Variants in GIT2 observed in about 807,000 individuals in gnomAD.
GIT2 encodes the protein ARF GTPase-activating protein GIT2.
A neutral mutation model predicts 100.3 loss-of-function variants in GIT2; 32 were observed. The observed-to-expected ratio is 0.32, with a 90% CI of 0.24 to 0.43. The LOEUF is 0.43. Among genes scored for constraint, GIT2 ranks in the 20% least tolerant of loss-of-function variants. The probability of loss-of-function intolerance (pLI) is 1.00; values close to 1 mark genes in which losing one functional copy is unlikely to be tolerated. For missense variants in GIT2, 737 were observed against 975.1 expected (o/e 0.76, Z 3.25); for synonymous variants, 353 against 364.1 (o/e 0.97, Z 0.35).
At chr12:109,977,419 G>A (rs1329765637) in intron 7 of GIT2, among the ~76,000 whole-genome samples, 5 of 152,142 alleles carry the variant, frequency 3.3e-5, no homozygotes, top group Non-Finnish European at 7.3e-5. Flanking sequence ...GCTGAGGTGG[G>A]AGGATCACTT....
At chr12:109,995,554 G>A (rs1181264460) in intron 1 of GIT2, among the ~76,000 whole-genome samples, 1 of 152,172 alleles carries the variant, frequency 6.6e-6, no homozygotes, top group Non-Finnish European at 1.5e-5. Flanking sequence ...CCAGCCCAAG[G>A]TCAGCCAGAA....
chr12:109,996,324 G>A lies in GIT2; in HGVS notation c.-100C>T. ...TCTAACGGGTCCCAGCTGCGGCGGC[G>A]CTGACGGCGGCGCCTCTCCCCTCAG... On this transcript the variant is annotated 5_prime_UTR_variant, in exon 1 of 20. Coordinates refer to ENST00000355312, the MANE Select transcript of GIT2 (RefSeq NM_057169.5). The A allele has an allele frequency of 8.9e-6, 7 of 789,150 alleles. No individual in the cohort carries two copies. Among genetic ancestry groups the A allele is most frequent in the South Asian group, 7.1e-5 (4 of 56,068 alleles). 48.9% of individuals were successfully genotyped at this position (789,150 alleles called of 1,614,324 possible). A position where few individuals can be genotyped will look rare whatever the true frequency, so the allele number is the denominator to read the frequency against.
chr12:109,935,393 G>A (rs1872694595), intron 18 of GIT2, among the ~76,000 whole-genome samples: 2 of 149,940 alleles, frequency 1.3e-5, no homozygotes, highest in African/African-American at 2.4e-5. Flanking sequence ...CCACACTGAA[G>A]TTTTTTTTTT....
chr12:109,965,520 A>T lies in GIT2; in HGVS notation c.816+6T>A. On this transcript the variant is annotated splice_donor_region_variant and intron_variant, in intron 9 of 19. Coordinates refer to ENST00000355312, the MANE Select transcript of GIT2 (RefSeq NM_057169.5). ...CTAGAGAAAACCAGTACAGAGAAAT[A>T]CTCACAGATTGAAGTTTCTTCTTAG... 6.4e-7 allele frequency: 1 copy of T among 1,554,876 alleles called. No homozygotes were observed. Among genetic ancestry groups the T allele is most frequent in the Non-Finnish European group, 8.9e-7 (1 of 1,128,710 alleles).
intron 12 of GIT2, among the ~76,000 whole-genome samples, chr12:109,958,248 AT>A (rs1052174565): frequency 8.1e-5 from 11 of 135,066 alleles, no homozygotes; most frequent in East Asian, 2.2e-4. Flanking sequence ...CTGGCCCCCA[AT>A]TTTTTTTTTT....
chr12:109,951,941 A>G (rs1877982325), intron 13 of GIT2, among the ~76,000 whole-genome samples: 1 of 152,186 alleles, frequency 6.6e-6, no homozygotes, highest in Non-Finnish European at 1.5e-5. Flanking sequence ...TCCAGCCTGC[A>G]GTGGAGCTCA....
chr12:109,975,767 T>C (rs1004769987), intron 7 of GIT2, among the ~76,000 whole-genome samples: 1 of 149,052 alleles, frequency 6.7e-6, no homozygotes, highest in Non-Finnish European at 1.5e-5. Context: ...CATATCTTTG[T>C]AGTCTTTTTT....
intron 12 of GIT2, 31 bp downstream of exon 12, chr12:109,959,816 A>T (rs749861756): frequency 1.5e-6 from 2 of 1,341,356 alleles, no homozygotes; most frequent in Admixed American, 1.7e-5. Context: ...AGGGCCAAAA[A>T]ATGCAAGTGT....
intron 16 of GIT2, among the ~76,000 whole-genome samples, chr12:109,940,956 C>T (rs903985168): frequency 4.0e-5 from 6 of 151,734 alleles, no homozygotes; most frequent in African/African-American, 1.5e-4. Flanking sequence ...TACATAAAGC[C>T]TGTCACTCCT....
In GIT2 at chr12:109,953,041, A is replaced by AGCCCTCAGCTGATGCGTGCTT. The variant is rs756355020; in HGVS notation, c.1242+30_1242+50dup. The AGCCCTCAGCTGATGCGTGCTT allele has an allele frequency of 4.5e-4, 723 of 1,596,832 alleles. 2 individuals carry two copies. The highest frequency in any genetic ancestry group is 5.2e-4 in the Non-Finnish European group (604 of 1,166,862). On this transcript the variant is annotated intron_variant, in intron 13 of 19. Transcript: ENST00000355312. ...ACTGCACAGCAGCTTTGGCAGGGCT[A>AGCCCTCAGCTGATGCGTGCTT]GCCCTCAGCTGATGCGTGCTTGCCC... is the stretch of plus-strand genomic sequence containing the variant.
rs1366721302 is a variant in GIT2 at position 109,934,870 on chromosome 12, G to T, written c.2004-785C>A. Among the ~76,000 whole-genome samples, 1 of 152,226 alleles carries T rather than the reference G, an allele frequency of 6.6e-6. No homozygotes were observed. The highest frequency in any genetic ancestry group is 1.5e-5 in the Non-Finnish European group (1 of 68,046). ...GCGGGCGGATCACCTGAGGTCAGGA[G>T]TTTGAGACCAGCCTGAACGACATGG... is the stretch of plus-strand genomic sequence containing the variant. On this transcript the variant is annotated intron_variant, in intron 18 of 19. Transcript: ENST00000355312. The surrounding 1 kb of genome is among the most constrained non-coding windows in gnomAD (Gnocchi z 4.5).
rs138769911 is a variant in GIT2 at position 109,983,777 on chromosome 12, T to A, written c.406-83A>T. The A allele has an allele frequency of 6.9e-4, 557 of 808,226 alleles. 1 individual carries two copies. The African/African-American group carries it at 7.7e-3, about 11-fold the overall frequency. 50.1% of individuals were successfully genotyped at this position (808,226 alleles called of 1,614,324 possible). On this transcript the variant is annotated intron_variant, in intron 4 of 19. Transcript: ENST00000355312. ...TAGGGCAGCTGATAGACCATTTTAA[T>A]ATATGTTACATCAGTAACGCATAAT...
chr12:109,970,198 A>C (rs1883500058), intron 7 of GIT2, among the ~76,000 whole-genome samples: 1 of 152,214 alleles, frequency 6.6e-6, no homozygotes, highest in Non-Finnish European at 1.5e-5. Context: ...CAATGCATTA[A>C]AAAGAATATC....
chr12:109,932,493 T>C lies in GIT2; in HGVS notation c.*485A>G, dbSNP rs12230085. The stretch of plus-strand genomic sequence containing the variant: ...AAAGTCCTTTCTCTACATACATGCT[T>C]GGAGATACCCCAAACTTAGAGATTA... On this transcript the variant is annotated 3_prime_UTR_variant, in exon 20 of 20. Coordinates refer to ENST00000355312, the MANE Select transcript of GIT2 (RefSeq NM_057169.5). 10,981 of 161,292 alleles carry C rather than the reference T, an allele frequency of 0.068. 630 individuals carry two copies. Among genetic ancestry groups the C allele is most frequent in the African/African-American group, 0.15 (6,377 of 41,600 alleles). The allele number at this position is 161,292 out of a possible 1,614,324, so 10.0% of individuals were successfully genotyped here.
At position 109,932,834 on chromosome 12, in the gene GIT2, A is replaced by C. The variant is rs1248198802; in HGVS notation, c.*144T>G. The stretch of plus-strand genomic sequence containing the variant: ...GTTGAAAATTGGTTAGAAAACATGC[A>C]AAAATAATACTGAGTTTTCTTTTAA... On this transcript the variant is annotated 3_prime_UTR_variant, in exon 20 of 20. Transcript: ENST00000355312. The C allele has an allele frequency of 1.6e-6, 1 of 612,230 alleles. No homozygotes were observed. The highest frequency in any genetic ancestry group is 2.9e-6 in the Non-Finnish European group (1 of 344,560). 37.9% of individuals were successfully genotyped at this position (612,230 alleles called of 1,614,324 possible).
At chr12:109,952,553 C>T (rs190996200) in intron 13 of GIT2, 1 of 519,086 alleles carries the variant, frequency 1.9e-6, no homozygotes, top group East Asian at 5.4e-5. Context: ...TTTAGGCTGT[C>T]CCTATGCATG....
chr12:109,994,763 A>C (rs1243843926), intron 1 of GIT2, among the ~76,000 whole-genome samples: 1 of 152,246 alleles, frequency 6.6e-6, no homozygotes, highest in Non-Finnish European at 1.5e-5. Flanking sequence ...GAAGCTAGAC[A>C]CATGTGAATC....
intron 15 of GIT2, among the ~76,000 whole-genome samples, chr12:109,946,120 C>T (rs1237037973): frequency 1.3e-5 from 2 of 151,666 alleles, no homozygotes; most frequent in Non-Finnish European, 1.5e-5. Context: ...GGTGACAGAG[C>T]GAGACTCCAT....
chr12:109,999,600 G>T (rs1889833591), upstream of GIT2: 2 of 1,089,742 alleles, frequency 1.8e-6, no homozygotes, highest in Non-Finnish European at 2.5e-6. This position sits in a 1 kb window ranked among gnomAD's most constrained non-coding sequence, Gnocchi z 4.3. Context: ...CTTGCTCGCC[G>T]GCCTCAGGGC....
Sources: allele counts gnomAD v4.1 joint callset (sites outside exome capture counted in the v4.1 genomes callset), GRCh38; gene constraint gnomAD v4.1.1; non-coding constraint Gnocchi (gnomAD v3.1); transcripts MANE v1.5; gene names NCBI Gene and HGNC (gene_info 2026-07-23, HGNC 2026-07-21).